The following PALB2 variants were observed in gnomAD, a reference collection of about 807,000 sequenced individuals.
PALB2 encodes mutant partner and localizer of BRCA2.
PALB2 carries 82 observed loss-of-function variants against 107.4 expected under a neutral mutation model. The ratio of observed to expected loss-of-function variants is 0.76; its 90% CI spans 0.64 to 0.92. PALB2 has a LOEUF of 0.92. Among genes scored for constraint, PALB2 ranks in the 40% least tolerant of loss-of-function variants. The pLI, the probability that PALB2 is intolerant of heterozygous loss-of-function variation, is 0.00. For missense variants in PALB2, 1,374 were observed against 1,379.9 expected (o/e 1.00, Z 0.07); for synonymous variants, 489 against 496.8 (o/e 0.98, Z 0.21).
chr16:23,607,368 A>G (rs1430261679), intron 12 of PALB2: 6 of 179,080 alleles, frequency 3.4e-5, no homozygotes, highest in Admixed American at 2.8e-4. Flanking sequence ...AGCTCACTGC[A>G]GCCTCCACCT....
rs515726128 is a variant in PALB2 at position 23,635,714 on chromosome 16, G to A, written c.832C>T (p.Leu278=). 1 of 1,614,044 alleles carries A rather than the reference G, an allele frequency of 6.2e-7. No homozygotes were observed. Among genetic ancestry groups the A allele is most frequent in the African/African-American group, 1.3e-5 (1 of 75,008 alleles). ...GGTGAAGTAAATCTAATGTTTTTTA[G>A]GTCGTGAGTAGTAAGTTCACTGCTA... is the stretch of plus-strand genomic sequence containing the variant. The part of the protein sequence containing the change: ...KGSSELTTHD[L]KNIRFTSPVS... Residue 278 remains leucine, a synonymous_variant, in exon 4 of 13, where the codon CTA becomes TTA. Coordinates refer to ENST00000261584, the MANE Select transcript of PALB2 (RefSeq NM_024675.4).
intron 4 of PALB2, among the ~76,000 whole-genome samples, 184 bp downstream of exon 4, chr16:23,634,667 ATTTATTTATTT>A (rs1264299212): frequency 6.6e-6 from 1 of 150,718 alleles, no homozygotes. Flanking sequence ...TTATTTATTT[ATTTATTTATTT>A]AAATTTTTTT....
rs755002948 is a variant in PALB2 at position 23,635,190 on chromosome 16, GTTTAAA to G, written c.1350_1355del (p.Asn452_Leu453del). On this transcript the variant is annotated inframe_deletion, in exon 4 of 13. Transcript: ENST00000261584. ...TTTGGTCAGTTTCCTCATTGGAAAG[GTTTAAA>G]TTTTTACTTGCATCCTTATTTTTAT... 6.2e-6 allele frequency: 10 copies of G among 1,614,116 alleles called. No individual in the cohort carries two copies. The highest frequency in any genetic ancestry group is 8.5e-6 in the Non-Finnish European group (10 of 1,180,014).
chr16:23,638,816 T>C (rs1276865778), intron 1 of PALB2, among the ~76,000 whole-genome samples: 1 of 152,200 alleles, frequency 6.6e-6, no homozygotes, highest in Non-Finnish European at 1.5e-5. Flanking sequence ...TTTTTGACTA[T>C]CATTTGAGCC....
Position 23,641,158 on chromosome 16 carries a change from CGG to C in PALB2, c.-3_-2del, listed in dbSNP as rs1597106275. On this transcript the variant is annotated 5_prime_UTR_variant, in exon 1 of 13. Transcript: ENST00000261584. ...GGGGCTTCCCGGGAGGCTCGTCCAT[CGG>C]GCAGGCGACAGAACGAAAAGAGCAG... is the stretch of plus-strand genomic sequence containing the variant. 1 of 1,612,686 alleles carries C rather than the reference CGG, an allele frequency of 6.2e-7. No individual in the cohort carries two copies. The highest frequency in any genetic ancestry group is 8.5e-7 in the Non-Finnish European group (1 of 1,179,722).
In PALB2 at chr16:23,622,982, C is replaced by T. The variant is rs2142334456; in HGVS notation, c.2983G>A (p.Ala995Thr). The change falls in exon 9 of 13, where the codon GCA becomes ACA. Residue 995 changes from alanine (A) to threonine (T), a missense_variant. Coordinates refer to ENST00000261584, the MANE Select transcript of PALB2 (RefSeq NM_024675.4). Reference protein sequence around the residue: ...SDQQVEVMTFAEDGGGKENQF... With the variant: ...SDQQVEVMTFTEDGGGKENQF... ...TGCTTTTCTTACCCTCCATCTTCTG[C>T]AAACGTCATGACTTCTACTTGTTGA... is the stretch of plus-strand genomic sequence containing the variant. 1 of 1,614,150 alleles carries T rather than the reference C, an allele frequency of 6.2e-7. No homozygotes were observed.
intron 10 of PALB2, among the ~76,000 whole-genome samples, chr16:23,620,641 C>G (rs529953749): frequency 6.6e-6 from 1 of 152,278 alleles, no homozygotes; most frequent in East Asian, 1.9e-4. Context: ...AACCACTAAC[C>G]AAAAGCAGAA....
chr16:23,613,255 T>C (rs1479415304), intron 11 of PALB2, among the ~76,000 whole-genome samples: 1 of 152,184 alleles, frequency 6.6e-6, no homozygotes, highest in Non-Finnish European at 1.5e-5. Context: ...TTGGAGCTTA[T>C]TTCTAACTGT....
chr16:23,629,174 C>G (rs769118926), intron 6 of PALB2, 30 bp downstream of exon 6: 1 of 1,556,786 alleles, frequency 6.4e-7, no homozygotes, highest in Non-Finnish European at 8.9e-7. Context: ...ATGTAAGACA[C>G]GAGACACTGG....
chr16:23,637,229 C>T (rs1967084831), intron 3 of PALB2, among the ~76,000 whole-genome samples: 1 of 151,854 alleles, frequency 6.6e-6, no homozygotes, highest in Non-Finnish European at 1.5e-5. Flanking sequence ...GCCTTGATGA[C>T]AGAGTGAGAC....
At chr16:23,636,454 A>G (rs1967066421) in intron 3 of PALB2, 120 bp from the exon 4 acceptor site, 4 of 738,546 alleles carry the variant, frequency 5.4e-6, no homozygotes, top group Non-Finnish European at 8.3e-6. Context: ...AGAATCAGTG[A>G]CATTTCATTC....
intron 10 of PALB2, among the ~76,000 whole-genome samples, chr16:23,620,408 T>C (rs906426156): frequency 4.6e-5 from 7 of 152,300 alleles, no homozygotes; most frequent in African/African-American, 1.7e-4. Flanking sequence ...AGATCTTCTA[T>C]TAGGCTTCCA....
At chr16:23,634,732 G>C in intron 4 of PALB2, 130 bp downstream of exon 4, 19 of 1,255,864 alleles carry the variant, frequency 1.5e-5, no homozygotes, top group Non-Finnish European at 2.0e-5. Flanking sequence ...AAAGTGCTGG[G>C]ATTACAGACG....
rs754720030 is a variant in PALB2 at position 23,635,274 on chromosome 16, G to C, written c.1272C>G (p.Ala424=). 1 of 1,613,778 alleles carries C rather than the reference G, an allele frequency of 6.2e-7. No individual in the cohort carries two copies. The highest frequency in any genetic ancestry group is 1.3e-5 in the African/African-American group (1 of 74,810). The change falls in exon 4 of 13, where the codon GCC becomes GCG. Residue 424 remains alanine, a synonymous_variant. Transcript: ENST00000261584. ...AATGACTCTGAATGACAGCCTCCAC[G>C]GCTACTTTCCTCTGGCAATTGGACA... The part of the protein sequence containing the change: ...RSMSNCQRKV[A]VEAVIQSHLD...
Position 23,629,194 on chromosome 16 carries a change from T to G in PALB2, c.2586+10A>C. ...AGACACGAGACACTGGAAGAGAATA[T>G]TCTTCTGACCTTTAACTCTGAAACC... On this transcript the variant is annotated intron_variant, in intron 6 of 12. Coordinates refer to ENST00000261584, the MANE Select transcript of PALB2 (RefSeq NM_024675.4). The G allele has an allele frequency of 1.2e-6, 2 of 1,601,652 alleles. No individual in the cohort carries two copies. Among genetic ancestry groups the G allele is most frequent in the Non-Finnish European group, 1.7e-6 (2 of 1,169,048 alleles).
rs587776415 is a variant in PALB2 at position 23,630,080 on chromosome 16, G to A, written c.2074C>T (p.Gln692Ter). 3 of 1,614,168 alleles carry A rather than the reference G, an allele frequency of 1.9e-6. No individual in the cohort carries two copies. Among genetic ancestry groups the A allele is most frequent in the Non-Finnish European group, 2.5e-6 (3 of 1,180,032 alleles). ...SHPKRPNSQSQHTKTGLSSSI... is the reference protein window; with the variant it reads ...SHPKRPNSQS ...GAAGAAAGGCCCGTCTTTGTATGCT[G>A]GCTTTGCGAGTTTGGCCTTTTGGGA... The change falls in exon 5 of 13, where the codon CAG becomes TAG. Residue 692 changes from glutamine to a stop codon, truncating the protein, a stop_gained. Coordinates refer to ENST00000261584, the MANE Select transcript of PALB2 (RefSeq NM_024675.4). LOFTEE classifies it high-confidence loss of function.
At chr16:23,623,501 CTTTTTTTTTT>C (rs1189941589) in intron 8 of PALB2, among the ~76,000 whole-genome samples, 9 of 62,546 alleles carry the variant, frequency 1.4e-4, no homozygotes, top group Non-Finnish European at 1.9e-4. Flanking sequence ...CATACCCGGC[CTTTTTTTTTT>C]TTTTTTTTTT....
At chr16:23,629,442 C>G (rs1346143761) in intron 5 of PALB2, among the ~76,000 whole-genome samples, 167 bp from the exon 6 acceptor site, 1 of 152,152 alleles carries the variant, frequency 6.6e-6, no homozygotes, top group Non-Finnish European at 1.5e-5. Context: ...ATAGGACCTC[C>G]CATATTTAAA....
intron 9 of PALB2, 31 bp from the exon 10 acceptor site, chr16:23,621,509 C>T (rs1322862866): frequency 7.2e-7 from 1 of 1,397,488 alleles, no homozygotes; most frequent in South Asian, 1.2e-5. Flanking sequence ...AAAGTCAGTA[C>T]TTTGCACTAA....
Sources: gnomAD v4.1 joint callset for allele counts (sites outside exome capture counted in the v4.1 genomes callset) on GRCh38, gnomAD v4.1.1 for gene constraint, MANE v1.5 for transcripts, NCBI Gene and HGNC (gene_info 2026-07-23, HGNC 2026-07-21) for gene names.